The following NHSL2 variants were observed in gnomAD, a reference collection of about 807,000 sequenced individuals.
NHSL2 encodes the protein NHS-like protein 2.
A neutral mutation model predicts 53.4 loss-of-function variants in NHSL2; 27 were observed. The observed-to-expected ratio is 0.51, with a 90% CI of 0.37 to 0.70. NHSL2 has a LOEUF of 0.70. Among genes scored for constraint, NHSL2 ranks in the 30% least tolerant of loss-of-function variants. The pLI, the probability that NHSL2 is intolerant of heterozygous loss-of-function variation, is 0.00. For missense variants in NHSL2, 892 were observed against 980.1 expected (o/e 0.91, Z 1.20); for synonymous variants, 408 against 404.1 (o/e 1.01, Z -0.12).
intron 1 of NHSL2, among the ~76,000 whole-genome samples, chrX:72,091,047 G>A (rs892652857): frequency 8.9e-6 from 1 of 111,869 alleles, no homozygotes; most frequent in Non-Finnish European, 1.9e-5. Flanking sequence ...GTATTTTGCT[G>A]TTACACATAG....
At chrX:72,021,232 C>A (rs773588794) in intron 1 of NHSL2, among the ~76,000 whole-genome samples, 2 of 112,643 alleles carry the variant, frequency 1.8e-5, no homozygotes, top group African/African-American at 6.5e-5. Flanking sequence ...GTTTCTCAGT[C>A]ACCAAATGGA....
At chrX:71,959,801 A>G (rs150175835) in intron 1 of NHSL2, among the ~76,000 whole-genome samples, 1,237 of 112,606 alleles carry the variant, frequency 0.011, 16 homozygotes, top group African/African-American at 0.038. Flanking sequence ...ATGTATCAAT[A>G]TATCATTCTC....
chrX:72,136,686 C>T (rs998516701), intron 4 of NHSL2, among the ~76,000 whole-genome samples: 2 of 111,394 alleles, frequency 1.8e-5, no homozygotes, highest in African/African-American at 6.6e-5. Flanking sequence ...TAGTCCCAGT[C>T]CGCTGCTCTA....
At chrX:72,023,782 G>A (rs1602314466) in intron 1 of NHSL2, among the ~76,000 whole-genome samples, 1 of 112,079 alleles carries the variant, frequency 8.9e-6, no homozygotes, top group East Asian at 2.8e-4. Context: ...GGATTAGGAA[G>A]GTTCTATTGG....
intron 1 of NHSL2, among the ~76,000 whole-genome samples, chrX:72,072,619 A>G: frequency 8.9e-6 from 1 of 111,884 alleles, no homozygotes; most frequent in East Asian, 2.8e-4. Context: ...TCTTCTCCTG[A>G]CAGTTTTCTC....
At chrX:72,137,023 T>A in intron 4 of NHSL2, 71 bp from the exon 5 acceptor site, 1 of 985,595 alleles carries the variant, frequency 1.0e-6, no homozygotes, top group Admixed American at 2.8e-5. Flanking sequence ...CATTCTCTTC[T>A]CTCAGGCCAA....
chrX:72,152,355 GCGCACACA>G lies in NHSL2; in HGVS notation c.*8783_*8790del, dbSNP rs2042522041. The G allele has an allele frequency of 1.4e-3, 2 of 1,434 alleles. No homozygotes were observed. Among genetic ancestry groups the G allele is most frequent in the African/African-American group, 8.0e-4 (1 of 1,252 alleles). The allele number at this position is 1,434 out of a possible 1,213,427, so 0.1% of individuals were successfully genotyped here. On this transcript the variant is annotated 3_prime_UTR_variant, in exon 8 of 8. Coordinates refer to ENST00000633930, the MANE Select transcript of NHSL2 (RefSeq NM_001013627.3). ...CATACATGCGTGTGTGCATGCGCGC[GCGCACACA>G]CACACACACACACACACACACACAC...
intron 1 of NHSL2, among the ~76,000 whole-genome samples, chrX:72,073,266 G>A (rs2041714912): frequency 9.0e-6 from 1 of 110,640 alleles, no homozygotes; most frequent in African/African-American, 3.3e-5. Context: ...TGAGGGTGGG[G>A]GCGGGGGGGA....
Position 72,149,229 on chromosome X carries a change from C to T in NHSL2, c.*5655C>T, listed in dbSNP as rs181516694. 1 of 109,789 alleles carries T rather than the reference C, an allele frequency of 9.1e-6. No individual in the cohort carries two copies. The highest frequency in any genetic ancestry group is 1.9e-5 in the Non-Finnish European group (1 of 52,595). The allele number at this position is 109,789 out of a possible 1,213,427, so 9.0% of individuals were successfully genotyped here. On this transcript the variant is annotated 3_prime_UTR_variant, in exon 8 of 8. Transcript: ENST00000633930. The stretch of plus-strand genomic sequence containing the variant: ...AAAAAAAAAAAAAGATTTTTTTTAA[C>T]TCACAAATGGAAAAAAGGGAAAGGT...
intron 1 of NHSL2, among the ~76,000 whole-genome samples, chrX:71,953,196 C>T (rs139608709): frequency 1.6e-4 from 18 of 111,208 alleles, no homozygotes; most frequent in African/African-American, 5.6e-4. Context: ...GGCTCTAAAC[C>T]TGGATCCCTG....
rs753554742 is a variant in NHSL2 at position 72,041,532 on chromosome X, T to C, written c.281-90547T>C. On this transcript the variant is annotated intron_variant, in intron 1 of 7. Transcript: ENST00000633930. The stretch of plus-strand genomic sequence containing the variant: ...TGACAACGATTTCACATTTGTAAGC[T>C]ACACCATCAAAACATGTCTTCCAGC... Among the ~76,000 whole-genome samples, 20 of 112,345 alleles carry C rather than the reference T, an allele frequency of 1.8e-4. No individual in the cohort carries two copies. The Admixed American group carries it at 1.9e-3, about 11-fold the overall frequency.
intron 1 of NHSL2, among the ~76,000 whole-genome samples, chrX:71,977,349 G>A (rs2041952797): frequency 1.8e-5 from 2 of 110,906 alleles, no homozygotes; most frequent in African/African-American, 6.6e-5. Context: ...CACACAGTAA[G>A]TTATTTTATA....
chrX:72,129,241 C>T (rs1013088054), intron 1 of NHSL2: 4 of 113,860 alleles, frequency 3.5e-5, no homozygotes, highest in Middle Eastern at 4.2e-3. Flanking sequence ...GGCTAGATGT[C>T]GGGTCCTCTT....
intron 1 of NHSL2, among the ~76,000 whole-genome samples, chrX:72,118,173 G>A (rs1458871993): frequency 9.0e-6 from 1 of 111,681 alleles, no homozygotes; most frequent in Non-Finnish European, 1.9e-5. Flanking sequence ...CCTAGTGGGT[G>A]TGAAGTGGGA....
chrX:72,035,610 G>A (rs1314866954), intron 1 of NHSL2, among the ~76,000 whole-genome samples: 1 of 110,990 alleles, frequency 9.0e-6, no homozygotes, highest in Non-Finnish European at 1.9e-5. Flanking sequence ...TGCCCTTTTA[G>A]CCTCCCTTAT....
chrX:71,950,396 G>T lies in NHSL2; in HGVS notation c.280+39029G>T, dbSNP rs150462325. 4.8e-3 allele frequency among the ~76,000 whole-genome samples: 547 copies of T among 112,857 alleles called. 2 individuals are homozygous for T. Among genetic ancestry groups the T allele is most frequent in the Middle Eastern group, 0.014 (3 of 219 alleles). On this transcript the variant is annotated intron_variant, in intron 1 of 7. Coordinates refer to ENST00000633930, the MANE Select transcript of NHSL2 (RefSeq NM_001013627.3). ...ATCCCTCGCTCCCTGTTTAGGGCAG[G>T]TTGCCATGGTATTTTGCCTGCTGGT...
rs764973868 is a variant in NHSL2 at position 72,134,113 on chromosome X, G to A, written c.459G>A (p.Ser153=). 2.5e-5 allele frequency: 29 copies of A among 1,165,910 alleles called. No individual in the cohort carries two copies. The highest frequency in any genetic ancestry group is 3.6e-5 in the African/African-American group (2 of 55,962). Residue 153 remains serine (S), a synonymous_variant, in exon 3 of 8, where the codon TCG becomes TCA. Coordinates refer to ENST00000633930, the MANE Select transcript of NHSL2 (RefSeq NM_001013627.3). ...LLQEEYEEQY[S]EARLVGQTFR... is the part of the protein sequence containing the mutation. ...CAGAAGAATATGAGGAACAGTACTC[G>A]GAGGCCAGACTTGTGGGGCAGACCT...
intron 1 of NHSL2, chrX:72,131,078 G>T: frequency 8.3e-7 from 1 of 1,209,838 alleles, no homozygotes; most frequent in Middle Eastern, 2.3e-4. Context: ...CCTGAAAAGG[G>T]CTCTATCTCA....
chrX:72,137,466 C>T (rs2042366760), intron 5 of NHSL2, among the ~76,000 whole-genome samples: 1 of 112,466 alleles, frequency 8.9e-6, no homozygotes, highest in South Asian at 3.6e-4. Context: ...TATTGTTTCC[C>T]ATTATAAATG....
Sources: gnomAD v4.1 joint callset for allele counts (sites outside exome capture counted in the v4.1 genomes callset) on GRCh38, gnomAD v4.1.1 for gene constraint, MANE v1.5 for transcripts, NCBI Gene and HGNC (gene_info 2026-07-23, HGNC 2026-07-21) for gene names.